Variants in ZC3H13 observed in about 807,000 individuals in gnomAD.
ZC3H13 encodes zinc finger CCCH-type containing 13.
In ZC3H13, 64 loss-of-function variants were observed where a neutral mutation model predicts 204.1. The observed-to-expected ratio is 0.31, with a 90% CI of 0.26 to 0.39. ZC3H13 has a LOEUF of 0.39. ZC3H13 is among the 10% of genes least tolerant of loss of function. The probability of loss-of-function intolerance (pLI) is 1.00; values close to 1 mark genes in which losing one functional copy is unlikely to be tolerated. For synonymous variants in ZC3H13, 667 were observed against 693.7 expected (o/e 0.96, Z 0.60); for missense variants, 1,833 against 2,082.7 (o/e 0.88, Z 2.33).
At position 45,955,587 on chromosome 13, in the gene ZC3H13, T is replaced by C. The variant is rs955434495; in HGVS notation, c.*1540A>G. 1 of 152,176 alleles carries C rather than the reference T, an allele frequency of 6.6e-6. No individual in the cohort carries two copies. The highest frequency in any genetic ancestry group is 2.4e-5 in the African/African-American group (1 of 41,458). 9.4% of individuals were successfully genotyped at this position (152,176 alleles called of 1,614,324 possible). ...ACTAGGATTAGAAATTCTAGGACTT[T>C]AAATCTTTGTGCTACAGAGAACAAT... On this transcript the variant is annotated 3_prime_UTR_variant, in exon 19 of 19. Transcript: ENST00000679008.
At chr13:46,021,779 G>C (rs2042233774) in intron 4 of ZC3H13, among the ~76,000 whole-genome samples, 1 of 151,850 alleles carries the variant, frequency 6.6e-6, no homozygotes, top group African/African-American at 2.4e-5. Flanking sequence ...GAAGACAAAA[G>C]GAAGAAATAT....
intron 18 of ZC3H13, among the ~76,000 whole-genome samples, chr13:45,959,043 T>C (rs1408660312): frequency 6.6e-6 from 1 of 152,194 alleles, no homozygotes; most frequent in African/African-American, 2.4e-5. Flanking sequence ...CCAAATCTAA[T>C]TTCTATTCCT....
At chr13:45,997,016 G>T (rs2040388135) in intron 8 of ZC3H13, among the ~76,000 whole-genome samples, 1 of 152,152 alleles carries the variant, frequency 6.6e-6, no homozygotes, top group South Asian at 2.1e-4. Flanking sequence ...CTGTAGAGTA[G>T]GTCACGGAAA....
At chr13:45,979,109 CAAGGTTAGT>C (rs1399908631) in intron 11 of ZC3H13, among the ~76,000 whole-genome samples, 1 of 152,016 alleles carries the variant, frequency 6.6e-6, no homozygotes, top group Non-Finnish European at 1.5e-5. Flanking sequence ...TTACTTCAGC[CAAGGTTAGT>C]AAGACCTTCA....
chr13:45,975,921 T>G, intron 11 of ZC3H13, 83 bp from the exon 12 acceptor site: 1 of 1,375,574 alleles, frequency 7.3e-7, no homozygotes, highest in African/African-American at 3.2e-5. Context: ...TTAAATTTTA[T>G]CTGTGATAGG....
chr13:46,008,394 G>A (rs1299587856), intron 7 of ZC3H13, among the ~76,000 whole-genome samples: 1 of 151,612 alleles, frequency 6.6e-6, no homozygotes, highest in Non-Finnish European at 1.5e-5. Context: ...TGTTTTTCCA[G>A]GTCCTTTTGC....
At chr13:46,050,455 G>A (rs1255207707) in intron 1 of ZC3H13, among the ~76,000 whole-genome samples, 2 of 152,020 alleles carry the variant, frequency 1.3e-5, no homozygotes, top group Admixed American at 6.6e-5. Flanking sequence ...ACTTTAATCC[G>A]GATGAGTAGC....
At chr13:46,043,013 G>GT (rs1319296593) in intron 3 of ZC3H13, among the ~76,000 whole-genome samples, 3 of 151,812 alleles carry the variant, frequency 2.0e-5, no homozygotes, top group African/African-American at 7.3e-5. Flanking sequence ...CTAGAAATTT[G>GT]ACAGTATATG....
chr13:45,969,407 C>T lies in ZC3H13; in HGVS notation c.3137G>A (p.Cys1046Tyr), dbSNP rs1156774376. 3.1e-6 allele frequency: 5 copies of T among 1,613,956 alleles called. No individual in the cohort carries two copies. Among genetic ancestry groups the T allele is most frequent in the African/African-American group, 2.7e-5 (2 of 74,906 alleles). The change falls in exon 14 of 19, where the codon TGC becomes TAC. Residue 1046 changes from cysteine (C) to tyrosine (Y), a missense_variant. This residue lies in a region of ZC3H13 where 1,574 missense variants were observed against 1,757.2 expected (regional missense o/e 0.90). Transcript: ENST00000679008. ...CTCTAGAATACCATTCTTACCATTGCACATTTCAACCAATTCCTCTTTAGT... is the reference window on the plus strand; with the variant it reads ...CTCTAGAATACCATTCTTACCATTGTACATTTCAACCAATTCCTCTTTAGT... Reference protein sequence around the residue: ...ITTKEELVEMCNGKNGILEDS... With the variant: ...ITTKEELVEMYNGKNGILEDS...
intron 7 of ZC3H13, among the ~76,000 whole-genome samples, chr13:46,004,431 T>C (rs1193447150): frequency 6.6e-6 from 1 of 151,926 alleles, no homozygotes; most frequent in African/African-American, 2.4e-5. Context: ...TCCCAGCTAC[T>C]CCAGAGGCTG....
chr13:46,049,596 C>T (rs2044257059), intron 1 of ZC3H13, among the ~76,000 whole-genome samples: 1 of 152,136 alleles, frequency 6.6e-6, no homozygotes, highest in Non-Finnish European at 1.5e-5. Context: ...ATCTACAATA[C>T]AGCAGAAAAA....
At chr13:46,045,749 T>C (rs2043906740) in intron 1 of ZC3H13, among the ~76,000 whole-genome samples, 1 of 152,204 alleles carries the variant, frequency 6.6e-6, no homozygotes, top group African/African-American at 2.4e-5. Context: ...TTGGCTAGAA[T>C]TGTACCTCTT....
In ZC3H13 at chr13:45,969,753, TTGA is replaced by T; in HGVS notation, c.2788_2790del (p.Ser930del). ...CCTATAATGTCCTGTGCACGCATTCTTGAGCTTTCCAGGATTTCTGTCTGTTCT... is the reference window on the plus strand; with the variant it reads ...CCTATAATGTCCTGTGCACGCATTCTGCTTTCCAGGATTTCTGTCTGTTCT... On this transcript the variant is annotated inframe_deletion, in exon 14 of 19. Coordinates refer to ENST00000679008, the MANE Select transcript of ZC3H13 (RefSeq NM_001330564.2). The T allele has an allele frequency of 6.2e-7, 1 of 1,613,942 alleles. No individual in the cohort carries two copies. Among genetic ancestry groups the T allele is most frequent in the South Asian group, 1.1e-5 (1 of 91,078 alleles).
At chr13:45,987,111 C>T (rs2039596682) in intron 9 of ZC3H13, among the ~76,000 whole-genome samples, 2 of 152,190 alleles carry the variant, frequency 1.3e-5, no homozygotes, top group Admixed American at 6.5e-5. Flanking sequence ...TCTGTCTTTA[C>T]AAATACGTCT....
At chr13:46,039,683 T>C (rs1486699793) in intron 4 of ZC3H13, among the ~76,000 whole-genome samples, 1 of 152,192 alleles carries the variant, frequency 6.6e-6, no homozygotes, top group Non-Finnish European at 1.5e-5. Flanking sequence ...AACACAGCCA[T>C]GATTGAACAA....
chr13:46,039,526 A>G (rs2043428041), intron 4 of ZC3H13, among the ~76,000 whole-genome samples: 1 of 152,190 alleles, frequency 6.6e-6, no homozygotes, highest in African/African-American at 2.4e-5. Flanking sequence ...AGAGTTTAAC[A>G]ATTCCTAAAG....
chr13:45,987,595 A>G (rs1055761655), intron 9 of ZC3H13, among the ~76,000 whole-genome samples: 1 of 152,200 alleles, frequency 6.6e-6, no homozygotes, highest in Non-Finnish European at 1.5e-5. Context: ...ATTTTCTTGA[A>G]TATCATTCTC....
At chr13:45,961,552 G>T (rs1325842666) in intron 17 of ZC3H13, among the ~76,000 whole-genome samples, 1 of 125,330 alleles carries the variant, frequency 8.0e-6, no homozygotes, top group East Asian at 2.6e-4. Flanking sequence ...GTGGGGGTGG[G>T]GAGATGTGGG....
intron 12 of ZC3H13, 139 bp downstream of exon 12, chr13:45,975,144 T>A (rs1298525972): frequency 1.8e-5 from 24 of 1,348,046 alleles, no homozygotes; most frequent in Non-Finnish European, 2.4e-5. Flanking sequence ...CCGATACATA[T>A]ACTAAATTTG....
Sources: gnomAD v4.1 joint callset for allele counts (sites outside exome capture counted in the v4.1 genomes callset) on GRCh38, gnomAD v4.1.1 for gene constraint, gnomAD v4.1.1 regional missense constraint, MANE v1.5 for transcripts, NCBI Gene and HGNC (gene_info 2026-07-23, HGNC 2026-07-21) for gene names.